Variants in CCDC91 observed in about 807,000 individuals in gnomAD.
The protein encoded by CCDC91 is coiled-coil domain-containing protein 91.
Under a neutral mutation model 63.2 loss-of-function variants are expected in CCDC91, and 48 were observed. That is an observed-to-expected ratio of 0.76 (90% CI 0.60 to 0.97). The LOEUF (loss-of-function observed/expected upper bound fraction) is 0.97. Ranked by LOEUF, CCDC91 falls within the 50% of genes least tolerant of loss-of-function variation. CCDC91 has a pLI of 0.00. For synonymous variants in CCDC91, 167 were observed against 165.8 expected (o/e 1.01, Z -0.06); for missense variants, 500 against 494.6 (o/e 1.01, Z -0.10).
intron 3 of CCDC91, among the ~76,000 whole-genome samples, chr12:28,303,408 T>C (rs532775579): frequency 2.6e-5 from 4 of 152,226 alleles, no homozygotes; most frequent in African/African-American, 4.8e-5. Flanking sequence ...CTCCCACTCT[T>C]CCTGTTTTCT....
At chr12:28,510,982 C>A (rs1939312144) in intron 12 of CCDC91, among the ~76,000 whole-genome samples, 1 of 151,866 alleles carries the variant, frequency 6.6e-6, no homozygotes, top group Non-Finnish European at 1.5e-5. Flanking sequence ...AAACCAAAAT[C>A]CTAGAAGTTA....
chr12:28,433,741 T>C (rs1026854563), intron 8 of CCDC91, among the ~76,000 whole-genome samples: 1 of 151,972 alleles, frequency 6.6e-6, no homozygotes, highest in African/African-American at 2.4e-5. Context: ...ATCCATAAAA[T>C]ATCTTGGTAG....
chr12:28,483,780 A>G (rs530058638), intron 11 of CCDC91, among the ~76,000 whole-genome samples: 12 of 152,242 alleles, frequency 7.9e-5, no homozygotes, highest in Non-Finnish European at 1.6e-4. Flanking sequence ...ATCAAATGAA[A>G]GGTTGGTAGG....
chr12:28,404,115 A>T (rs1416219635), intron 8 of CCDC91, among the ~76,000 whole-genome samples: 1 of 151,902 alleles, frequency 6.6e-6, no homozygotes, highest in Admixed American at 6.6e-5. Flanking sequence ...TTAGATTGTT[A>T]ATTTTAGATC....
chr12:28,267,789 T>TATATTATTA (rs1947336328), intron 3 of CCDC91, among the ~76,000 whole-genome samples: 1 of 41,642 alleles, frequency 2.4e-5, no homozygotes, highest in Non-Finnish European at 4.7e-5. Context: ...AATATATAAT[T>TATATTATTA]ATATATAATT....
chr12:28,349,491 A>G (rs1020184429), intron 6 of CCDC91, among the ~76,000 whole-genome samples: 11 of 152,180 alleles, frequency 7.2e-5, no homozygotes, highest in East Asian at 3.9e-4. Context: ...ACAGGGCCCT[A>G]TGCTTATAAG....
chr12:28,409,446 T>C (rs1319049441), intron 8 of CCDC91, among the ~76,000 whole-genome samples: 1 of 152,166 alleles, frequency 6.6e-6, no homozygotes, highest in Non-Finnish European at 1.5e-5. Context: ...ATGTTTTCTT[T>C]CTTTTTGCTG....
At chr12:28,436,755 A>AT (rs59055874) in intron 8 of CCDC91, among the ~76,000 whole-genome samples, 32 of 149,512 alleles carry the variant, frequency 2.1e-4, no homozygotes, top group South Asian at 1.9e-3. Context: ...ACAATTCCAG[A>AT]TTTTTTTTTT....
intron 1 of CCDC91, among the ~76,000 whole-genome samples, chr12:28,252,577 C>A (rs756057686): frequency 6.6e-6 from 1 of 151,900 alleles, no homozygotes; most frequent in Non-Finnish European, 1.5e-5. Flanking sequence ...TTGTTGTTTA[C>A]TCCTTTCTTG....
chr12:28,395,192 C>T (rs1390603612), intron 8 of CCDC91, among the ~76,000 whole-genome samples: 1 of 152,124 alleles, frequency 6.6e-6, no homozygotes, highest in Admixed American at 6.5e-5. Context: ...CTAGACCAAC[C>T]TTTTCTTCCT....
chr12:28,428,903 G>T (rs1427893136), intron 8 of CCDC91, among the ~76,000 whole-genome samples: 1 of 152,140 alleles, frequency 6.6e-6, no homozygotes, highest in Admixed American at 6.5e-5. Context: ...ATTTTGAGGA[G>T]TGGGCAGGGA....
At chr12:28,201,168 C>T (rs11049450) in intron 1 of CCDC91, among the ~76,000 whole-genome samples, 112 of 150,732 alleles carry the variant, frequency 7.4e-4, no homozygotes, top group Admixed American at 3.9e-3. Context: ...GGCTGCTGGG[C>T]GGAGACGCTC....
intron 6 of CCDC91, among the ~76,000 whole-genome samples, chr12:28,340,111 A>C (rs762657541): frequency 5.3e-5 from 8 of 152,196 alleles, no homozygotes; most frequent in Non-Finnish European, 1.2e-4. Flanking sequence ...TATTTACCAT[A>C]TTAGAATATA....
At chr12:28,292,887 ATACT>A (rs1450343166) in intron 3 of CCDC91, among the ~76,000 whole-genome samples, 1 of 152,158 alleles carries the variant, frequency 6.6e-6, no homozygotes, top group Non-Finnish European at 1.5e-5. Context: ...ATGTACAATA[ATACT>A]TACGTTGTGT....
intron 3 of CCDC91, among the ~76,000 whole-genome samples, chr12:28,282,661 T>C (rs780006709): frequency 2.0e-5 from 3 of 152,154 alleles, no homozygotes; most frequent in Admixed American, 1.3e-4. Flanking sequence ...GTAGCTCTAC[T>C]CTTAGTTCCT....
chr12:28,213,460 A>T (rs993412909), intron 1 of CCDC91, among the ~76,000 whole-genome samples: 3 of 152,268 alleles, frequency 2.0e-5, no homozygotes, highest in Non-Finnish European at 2.9e-5. Flanking sequence ...CAGAAGGAAC[A>T]TAAAGCTGGA....
At chr12:28,247,909 C>A (rs1340404370) in intron 1 of CCDC91, among the ~76,000 whole-genome samples, 5 of 152,144 alleles carry the variant, frequency 3.3e-5, no homozygotes, top group African/African-American at 1.2e-4. Flanking sequence ...GCACAGTTCA[C>A]AATAGGGTTC....
At chr12:28,532,662 G>T (rs1941837643) in intron 12 of CCDC91, among the ~76,000 whole-genome samples, 1 of 152,002 alleles carries the variant, frequency 6.6e-6, no homozygotes, top group Non-Finnish European at 1.5e-5. Flanking sequence ...AACTGTTCGA[G>T]TTATTATGTC....
Position 28,313,062 on chromosome 12 carries a change from G to A in CCDC91, c.576+5313G>A, listed in dbSNP as rs561331047. 1.0e-3 allele frequency among the ~76,000 whole-genome samples: 156 copies of A among 151,992 alleles called. 1 individual carries two copies. Among genetic ancestry groups the A allele is most frequent in the African/African-American group, 3.4e-3 (140 of 41,490 alleles). ...TCTGCCAGTCATCCTTTAGATAATT[G>A]AATCTTATTTATGACATATTTTCTG... is the stretch of plus-strand genomic sequence containing the variant. On this transcript the variant is annotated intron_variant, in intron 6 of 12. Transcript: ENST00000536442.
Sources: gnomAD v4.1 joint callset for allele counts (sites outside exome capture counted in the v4.1 genomes callset) on GRCh38, gnomAD v4.1.1 for gene constraint, MANE v1.5 for transcripts, NCBI Gene and HGNC (gene_info 2026-07-23, HGNC 2026-07-21) for gene names.